AGBL1: variants seen among roughly 807,000 people sequenced by gnomAD.
AGBL1 encodes the protein AGBL carboxypeptidase 1, also known as cytosolic carboxypeptidase 4.
A neutral mutation model predicts 118.9 loss-of-function variants in AGBL1; 130 were observed. That is an observed-to-expected ratio of 1.09 (90% confidence interval 0.95 to 1.26). The LOEUF is 1.26. Ranked by LOEUF, AGBL1 falls within the 50% of genes most tolerant of loss-of-function variation. AGBL1 has a pLI of 0.00. For missense variants in AGBL1, 1,584 were observed against 1,298.1 expected (o/e 1.22, Z -3.38); for synonymous variants, 555 against 478.9 (o/e 1.16, Z -2.08).
rs138736730 is a variant in AGBL1 at position 86,595,327 on chromosome 15, T to G, written c.2994+40790T>G. Among the ~76,000 whole-genome samples, 893 of 152,284 alleles carry G rather than the reference T, an allele frequency of 5.9e-3. 6 individuals carry two copies. Among genetic ancestry groups the G allele is most frequent in the Non-Finnish European group, 8.4e-3 (574 of 68,020 alleles). ...TTAACTCATCATGTTCCACACCAAA[T>G]GCTTCAAAACTTGCTCCTCTCACCT... On this transcript the variant is annotated intron_variant, in intron 21 of 22. Coordinates refer to ENST00000614907, the MANE Select transcript of AGBL1 (RefSeq NM_001386094.1).
intron 22 of AGBL1, among the ~76,000 whole-genome samples, chr15:86,814,230 G>T (rs539613797): frequency 6.6e-6 from 1 of 152,192 alleles, no homozygotes; most frequent in Non-Finnish European, 1.5e-5. Context: ...GTTGTGAATT[G>T]TGCATATGAA....
At chr15:86,716,846 G>C (rs976447526) in intron 22 of AGBL1, among the ~76,000 whole-genome samples, 1 of 152,194 alleles carries the variant, frequency 6.6e-6, no homozygotes, top group Non-Finnish European at 1.5e-5. Context: ...GAGGTTAAAA[G>C]CTCAGGTTCT....
intron 21 of AGBL1, among the ~76,000 whole-genome samples, chr15:86,634,319 CG>C (rs2142446339): frequency 6.6e-6 from 1 of 152,130 alleles, no homozygotes; most frequent in African/African-American, 2.4e-5. Flanking sequence ...ACCCCAAAGC[CG>C]GATAACTGAT....
chr15:86,667,214 CTATGTATGTATG>C (rs769766717), intron 21 of AGBL1, among the ~76,000 whole-genome samples: 158 of 35,676 alleles, frequency 4.4e-3, no homozygotes, highest in Admixed American at 7.9e-3. Flanking sequence ...ATGTATGTAT[CTATGTATGTATG>C]TATGTATGTA....
chr15:86,925,299 G>A (rs1430631904), intron 23 of AGBL1, among the ~76,000 whole-genome samples: 1 of 152,042 alleles, frequency 6.6e-6, no homozygotes, highest in Non-Finnish European at 1.5e-5. Context: ...GGAGGTATAT[G>A]GTAGAGTCTA....
At chr15:86,692,685 G>C (rs2086193177) in intron 22 of AGBL1, among the ~76,000 whole-genome samples, 1 of 152,038 alleles carries the variant, frequency 6.6e-6, no homozygotes, top group African/African-American at 2.4e-5. Context: ...GTGGTGATTT[G>C]TGAGACTTTG....
At chr15:87,030,562 C>T (rs1489653680), downstream of AGBL1, among the ~76,000 whole-genome samples, 1 of 151,840 alleles carries the variant, frequency 6.6e-6, no homozygotes, top group Non-Finnish European at 1.5e-5. Flanking sequence ...GCCATCATGG[C>T]AAATAACTAA....
At chr15:86,637,079 C>G (rs373733134) in intron 21 of AGBL1, among the ~76,000 whole-genome samples, 1 of 151,962 alleles carries the variant, frequency 6.6e-6, no homozygotes, top group African/African-American at 2.4e-5. Context: ...GGAGCACCAT[C>G]CAATCATTTA....
At chr15:86,295,228 T>A in intron 16 of AGBL1, 27 bp from the exon 17 acceptor site, 1 of 1,610,728 alleles carries the variant, frequency 6.2e-7, no homozygotes, top group Non-Finnish European at 8.5e-7. Context: ...GTTGATAATA[T>A]ACATGCCTGC....
intron 22 of AGBL1, among the ~76,000 whole-genome samples, chr15:86,688,676 A>T (rs540457486): frequency 4.6e-5 from 7 of 152,180 alleles, no homozygotes; most frequent in African/African-American, 7.2e-5. Flanking sequence ...GAAATGTTCA[A>T]ACAAACCTGA....
chr15:86,575,331 T>C (rs2084074752), intron 21 of AGBL1, among the ~76,000 whole-genome samples: 1 of 151,464 alleles, frequency 6.6e-6, no homozygotes, highest in South Asian at 2.1e-4. Context: ...AGACCTTGTC[T>C]CTATCAAAAA....
chr15:86,507,214 A>G (rs2082988493), intron 18 of AGBL1, among the ~76,000 whole-genome samples: 1 of 152,148 alleles, frequency 6.6e-6, no homozygotes, highest in African/African-American at 2.4e-5. Flanking sequence ...TGAAGGAGCT[A>G]GACCACTGAA....
At chr15:86,585,502 C>T (rs1046690539) in intron 21 of AGBL1, among the ~76,000 whole-genome samples, 1 of 152,040 alleles carries the variant, frequency 6.6e-6, no homozygotes, top group Non-Finnish European at 1.5e-5. Flanking sequence ...GCTGGAAATA[C>T]AGGTGTGTGC....
intron 22 of AGBL1, among the ~76,000 whole-genome samples, chr15:86,680,981 C>T (rs539740582): frequency 6.6e-6 from 1 of 152,206 alleles, no homozygotes; most frequent in South Asian, 2.1e-4. Context: ...TCTTTCTTTT[C>T]TCTTGTGTGT....
At chr15:86,950,079 A>G (rs1683607770) in intron 23 of AGBL1, among the ~76,000 whole-genome samples, 1 of 152,046 alleles carries the variant, frequency 6.6e-6, no homozygotes, top group Non-Finnish European at 1.5e-5. Flanking sequence ...ATTAGAAAAT[A>G]TTTTGAACTA....
At chr15:86,186,011 C>G (rs1240276436) in intron 5 of AGBL1, among the ~76,000 whole-genome samples, 1 of 151,968 alleles carries the variant, frequency 6.6e-6, no homozygotes, top group African/African-American at 2.4e-5. Flanking sequence ...TTAAGTAGTT[C>G]CTATAGGGTG....
At chr15:86,967,948 C>G (rs1167079192) in intron 23 of AGBL1, among the ~76,000 whole-genome samples, 2 of 152,090 alleles carry the variant, frequency 1.3e-5, no homozygotes, top group Non-Finnish European at 2.9e-5. Flanking sequence ...TTGATTCTTC[C>G]TACCCATGAG....
At chr15:86,265,117 A>G (rs1408544667) in intron 11 of AGBL1, among the ~76,000 whole-genome samples, 1 of 152,242 alleles carries the variant, frequency 6.6e-6, no homozygotes, top group Non-Finnish European at 1.5e-5. Flanking sequence ...GCAAACCACT[A>G]TCACAAAGAA....
chr15:86,944,909 G>GT (rs2080799697), intron 23 of AGBL1, among the ~76,000 whole-genome samples: 1 of 152,140 alleles, frequency 6.6e-6, no homozygotes. Flanking sequence ...AATACTTACA[G>GT]TAGGACAACG....
Sources: allele counts gnomAD v4.1 joint callset (sites outside exome capture counted in the v4.1 genomes callset), GRCh38; gene constraint gnomAD v4.1.1; transcripts MANE v1.5; gene names NCBI Gene and HGNC (gene_info 2026-07-23, HGNC 2026-07-21).